The following NUDT5 variants were observed in gnomAD, a reference collection of about 807,000 sequenced individuals.
NUDT5 encodes ADP-sugar pyrophosphatase.
Under a neutral mutation model 34.1 loss-of-function variants are expected in NUDT5, and 21 were observed. That is an observed-to-expected ratio of 0.62 (90% CI 0.44 to 0.89). The LOEUF is 0.89. Ranked by LOEUF, NUDT5 falls within the 40% of genes least tolerant of loss-of-function variation. NUDT5 has a pLI of 0.00. For missense variants in NUDT5, 249 were observed against 274.8 expected, an observed-to-expected ratio of 0.91 and a Z score of 0.66; for synonymous variants, 85 against 97.6, an observed-to-expected ratio of 0.87 and a Z score of 0.76.
intron 2 of NUDT5, among the ~76,000 whole-genome samples, chr10:12,185,809 C>T (rs1364375711): frequency 6.6e-6 from 1 of 152,214 alleles, no homozygotes; most frequent in African/African-American, 2.4e-5. Context: ...AACACAGAGA[C>T]ATACATTGGT....
rs534480441 is a variant in NUDT5, at chr10:12,175,645, A to G, written c.290-1832T>C. Among the ~76,000 whole-genome samples, 1 of 151,778 alleles carries G rather than the reference A, an allele frequency of 6.6e-6. No individual in the cohort carries two copies. Among genetic ancestry groups the G allele is most frequent in the East Asian group, 2.0e-4 (1 of 5,114 alleles). ...CAACAGAGCTAGACATAGTCTCAAA[A>G]AAAGAGCCCGGGCATGGCGGCTCAC... On this transcript the variant is annotated intron_variant, in intron 5 of 9. Coordinates refer to ENST00000491614, the MANE Select transcript of NUDT5 (RefSeq NM_014142.4). The surrounding 1 kb of genome is among the most constrained non-coding windows in gnomAD (Gnocchi z 4.8).
chr10:12,186,406 A>T, intron 1 of NUDT5, 74 bp from the exon 2 acceptor site: 1 of 827,648 alleles, frequency 1.2e-6, no homozygotes, highest in Non-Finnish European at 2.0e-6. Flanking sequence ...GACACTAGTC[A>T]AAGTACTTAA....
intron 3 of NUDT5, among the ~76,000 whole-genome samples, chr10:12,183,794 CAG>C (rs1382182101): frequency 4.6e-5 from 7 of 152,136 alleles, no homozygotes; most frequent in African/African-American, 1.7e-4. Flanking sequence ...CGTTATTTGG[CAG>C]AGTTTGAAAA....
intron 4 of NUDT5, among the ~76,000 whole-genome samples, chr10:12,178,145 G>C (rs936398992): frequency 2.5e-4 from 1 of 4,064 alleles, no homozygotes; most frequent in African/African-American, 2.9e-4. Flanking sequence ...ACTAAAATCG[G>C]AATAAAACGA....
At chr10:12,185,799 A>C (rs1471534888) in intron 2 of NUDT5, among the ~76,000 whole-genome samples, 1 of 152,244 alleles carries the variant, frequency 6.6e-6, no homozygotes, top group Non-Finnish European at 1.5e-5. Flanking sequence ...TAAATTGAAT[A>C]ACACAGAGAC....
At chr10:12,189,263 A>C (rs1835181508) in intron 1 of NUDT5, among the ~76,000 whole-genome samples, 1 of 151,854 alleles carries the variant, frequency 6.6e-6, no homozygotes, top group Non-Finnish European at 1.5e-5. Flanking sequence ...CTACCACTGC[A>C]CCCGGCTAAT....
chr10:12,168,013 C>A lies in NUDT5; in HGVS notation c.551-202G>T. On this transcript the variant is annotated intron_variant, in intron 9 of 9. Transcript: ENST00000491614. The surrounding 1 kb of genome is among the most constrained non-coding windows in gnomAD (Gnocchi z 4.8). Reference sequence around the variant, plus strand: ...TTACATTCCTAGCATGAGACAAGAACATCAGGGATAATGATTTTTTTTTTT... The same window carrying A: ...TTACATTCCTAGCATGAGACAAGAAAATCAGGGATAATGATTTTTTTTTTT... 3 of 976,972 alleles carry A rather than the reference C, an allele frequency of 3.1e-6. No individual in the cohort carries two copies. The highest frequency in any genetic ancestry group is 4.1e-6 in the Non-Finnish European group (3 of 731,246). The allele number at this position is 976,972 out of a possible 1,614,324, so 60.5% of individuals were successfully genotyped here.
intron 3 of NUDT5, 26 bp from the exon 4 acceptor site, chr10:12,179,158 G>T (rs769983705): frequency 6.2e-7 from 1 of 1,601,320 alleles, no homozygotes; most frequent in South Asian, 1.1e-5. Flanking sequence ...AGAAAAAAAA[G>T]TCATTAGTGC....
rs1345148084 is a variant in NUDT5, at chr10:12,167,488, T to C, written c.*214A>G. The C allele has an allele frequency of 9.9e-6, 5 of 503,022 alleles. No homozygotes were observed. The highest frequency in any genetic ancestry group is 3.5e-6 in the Non-Finnish European group (1 of 283,828). 31.2% of individuals were successfully genotyped at this position (503,022 alleles called of 1,614,324 possible). On this transcript the variant is annotated 3_prime_UTR_variant, in exon 10 of 10. Coordinates refer to ENST00000491614, the MANE Select transcript of NUDT5 (RefSeq NM_014142.4). ...TGGAGTAAACATACTTGCATTTATA[T>C]TCTTTGTTAATTTTAGCTGGAGTTA...
intron 3 of NUDT5, chr10:12,184,583 G>A (rs1303133271): frequency 6.9e-7 from 1 of 1,454,142 alleles, no homozygotes; most frequent in Non-Finnish European, 9.3e-7. Flanking sequence ...AACATGTACT[G>A]TTAATTATTC....
intron 1 of NUDT5, among the ~76,000 whole-genome samples, chr10:12,193,437 T>C (rs531240268): frequency 2.0e-4 from 31 of 152,056 alleles, no homozygotes; most frequent in Admixed American, 7.2e-4. Context: ...GCACAATAAA[T>C]CTCCTCCCCC....
intron 3 of NUDT5, 109 bp from the exon 4 acceptor site, chr10:12,179,241 C>T (rs1244873695): frequency 2.5e-6 from 2 of 786,998 alleles, no homozygotes; most frequent in East Asian, 5.1e-5. Context: ...CAAATGTACT[C>T]ATGATACTGG....
At chr10:12,194,770 C>A (rs1021924219) in intron 1 of NUDT5, among the ~76,000 whole-genome samples, 43 of 152,276 alleles carry the variant, frequency 2.8e-4, no homozygotes, top group African/African-American at 1.0e-3. Flanking sequence ...CTTAGGTGAA[C>A]CAGGAAGAAT....
Position 12,168,027 on chromosome 10 carries a change from A to ATT in NUDT5, c.551-218_551-217dup, listed in dbSNP as rs34620432. On this transcript the variant is annotated intron_variant, in intron 9 of 9. Coordinates refer to ENST00000491614, the MANE Select transcript of NUDT5 (RefSeq NM_014142.4). This position sits in a 1 kb window ranked among gnomAD's most constrained non-coding sequence, Gnocchi z 4.8. ...TGAGACAAGAACATCAGGGATAATG[A>ATT]TTTTTTTTTTTTTTGGTGAGACAGT... The ATT allele has an allele frequency of 0.023, 13,883 of 611,690 alleles. 14 individuals are homozygous for ATT. The highest frequency in any genetic ancestry group is 0.028 in the African/African-American group (1,358 of 48,374). The allele number at this position is 611,690 out of a possible 1,614,324, so 37.9% of individuals were successfully genotyped here. A position where few individuals can be genotyped will look rare whatever the true frequency, so the allele number is the denominator to read the frequency against.
At chr10:12,177,375 C>A (rs558097986) in intron 5 of NUDT5, among the ~76,000 whole-genome samples, 1 of 151,706 alleles carries the variant, frequency 6.6e-6, no homozygotes, top group African/African-American at 2.4e-5. Context: ...AAAAATTAGC[C>A]GGGCGTGGTG....
chr10:12,190,481 A>C (rs1459332392), intron 1 of NUDT5, among the ~76,000 whole-genome samples: 1 of 152,102 alleles, frequency 6.6e-6, no homozygotes, highest in East Asian at 1.9e-4. Context: ...CTTGCCCTTG[A>C]GCACGTTACA....
Position 12,170,635 on chromosome 10 carries a change from G to T in NUDT5, c.550+82C>A. The T allele has an allele frequency of 1.6e-6, 2 of 1,245,224 alleles. No homozygotes were observed. Among genetic ancestry groups the T allele is most frequent in the Non-Finnish European group, 2.4e-6 (2 of 847,752 alleles). 77.1% of individuals were successfully genotyped at this position (1,245,224 alleles called of 1,614,324 possible). A position where few individuals can be genotyped will look rare whatever the true frequency, so the allele number is the denominator to read the frequency against. Reference sequence around the variant, plus strand: ...AGTGATACAAAAAAGATAAAGAAATGGAGTTATATTTAGTACCCAGTTTGC... The same window carrying T: ...AGTGATACAAAAAAGATAAAGAAATTGAGTTATATTTAGTACCCAGTTTGC... On this transcript the variant is annotated intron_variant, in intron 9 of 9. Transcript: ENST00000491614. This position sits in a 1 kb window ranked among gnomAD's most constrained non-coding sequence, Gnocchi z 4.9.
At chr10:12,172,975 C>G in intron 6 of NUDT5, 109 bp from the exon 7 acceptor site, 1 of 750,924 alleles carries the variant, frequency 1.3e-6, no homozygotes, top group Non-Finnish European at 2.2e-6. Context: ...GGAGGTGATG[C>G]GGGAAAACTA....
rs1834681205 is a variant in NUDT5, at chr10:12,166,141, G to A, written c.*1561C>T. 1 of 151,356 alleles carries A rather than the reference G, an allele frequency of 6.6e-6. No individual in the cohort carries two copies. The highest frequency in any genetic ancestry group is 1.9e-4 in the East Asian group (1 of 5,188). The allele number at this position is 151,356 out of a possible 1,614,324, so 9.4% of individuals were successfully genotyped here. On this transcript the variant is annotated 3_prime_UTR_variant, in exon 10 of 10. Coordinates refer to ENST00000491614, the MANE Select transcript of NUDT5 (RefSeq NM_014142.4). ...GACTTCTAAGTTGCACTCTTAGGAA[G>A]AAGGAGAGGATAAGCTTAGGTCAGC...
Sources: allele counts gnomAD v4.1 joint callset (sites outside exome capture counted in the v4.1 genomes callset), GRCh38; gene constraint gnomAD v4.1.1; non-coding constraint Gnocchi (gnomAD v3.1); transcripts MANE v1.5; gene names NCBI Gene and HGNC (gene_info 2026-07-23, HGNC 2026-07-21).